The following GBP7 variants were observed in gnomAD, a reference collection of about 807,000 sequenced individuals.
GBP7 encodes guanylate-binding protein 7.
In GBP7, 43 loss-of-function variants were observed where a neutral mutation model predicts 61.3. That is an observed-to-expected ratio of 0.70 (90% CI 0.55 to 0.91). The LOEUF is 0.91. GBP7 is among the 40% of genes least tolerant of loss of function. GBP7 has a pLI of 0.00. For synonymous variants in GBP7, 267 were observed against 271.0 expected (o/e 0.99, Z 0.14); for missense variants, 717 against 740.5 (o/e 0.97, Z 0.37).
At chr1:89,166,508 C>A (rs1647447787) in intron 2 of GBP7, among the ~76,000 whole-genome samples, 1 of 152,120 alleles carries the variant, frequency 6.6e-6, no homozygotes, top group Non-Finnish European at 1.5e-5. Flanking sequence ...TGACAAAAAT[C>A]AGGAAAATAT....
At chr1:89,138,664 T>C (rs745942297) in intron 9 of GBP7, among the ~76,000 whole-genome samples, 2 of 152,150 alleles carry the variant, frequency 1.3e-5, no homozygotes, top group Non-Finnish European at 2.9e-5. Context: ...CTTCTCACTA[T>C]ATACAAAAAT....
At chr1:89,157,910 A>G (rs1450342803) in intron 3 of GBP7, among the ~76,000 whole-genome samples, 1 of 152,202 alleles carries the variant, frequency 6.6e-6, no homozygotes, top group Non-Finnish European at 1.5e-5. Context: ...AACAGCAAAA[A>G]AAGAGAATTT....
chr1:89,148,663 G>T (rs1370780862), intron 7 of GBP7, among the ~76,000 whole-genome samples: 1 of 152,092 alleles, frequency 6.6e-6, no homozygotes, highest in Non-Finnish European at 1.5e-5. Context: ...ATGGAGAGAG[G>T]TTCCCCTGAG....
rs1682099878 is a variant in GBP7, at chr1:89,147,657, A to C, written c.1275T>G (p.Thr425=). 1 of 1,614,076 alleles carries C rather than the reference A, an allele frequency of 6.2e-7. No individual in the cohort carries two copies. The highest frequency in any genetic ancestry group is 8.5e-7 in the Non-Finnish European group (1 of 1,180,030). Residue 425 remains threonine (T), a synonymous_variant, in exon 8 of 11, where the codon ACT becomes ACG. Coordinates refer to ENST00000294671, the MANE Select transcript of GBP7 (RefSeq NM_207398.3). ...TATTGTGCCCCCCCGGAACAAAGAA[A>C]GTTCCTCTTGAAATACTTTCTGTCA... is the stretch of plus-strand genomic sequence containing the variant. The part of the protein sequence containing the change: ...ELLTESISRG[T]FFVPGGHNIY...
In GBP7 at chr1:89,152,275, C is replaced by T. The variant is rs770244482; in HGVS notation, c.618G>A (p.Leu206=). 3 of 1,613,662 alleles carry T rather than the reference C, an allele frequency of 1.9e-6. No homozygotes were observed. Among genetic ancestry groups the T allele is most frequent in the Non-Finnish European group, 2.5e-6 (3 of 1,179,658 alleles). The change falls in exon 5 of 11, where the codon CTG becomes CTA. Residue 206 remains leucine (L), a synonymous_variant. Transcript: ENST00000294671. ...EDEYLENALK[L]ISGKNPQIQN... ...TAGGCCATGCTCTGATACCTGAAAT[C>T]AGCTTCAAGGCATTCTCCAGGTACT... is the stretch of plus-strand genomic sequence containing the variant.
chr1:89,149,572 C>T lies in GBP7; in HGVS notation c.872G>A (p.Arg291Gln). Reference sequence around the variant, plus strand: ...GTAGGTCTCCACCAGCATCCCCAGCCCTGAATGATTTAGGAAATTTAGGGA... The same window carrying T: ...GTAGGTCTCCACCAGCATCCCCAGCTCTGAATGATTTAGGAAATTTAGGGA... ...LREGILVTGN[R>Q]LGMLVETYLD... The change falls in exon 7 of 11, where the codon CGG (arginine) becomes CAG (glutamine). Residue 291 changes from arginine (R) to glutamine (Q), a missense_variant and splice_region_variant. By Grantham distance (43) the Arg-to-Gln change is conservative (BLOSUM62 1). Coordinates refer to ENST00000294671, the MANE Select transcript of GBP7 (RefSeq NM_207398.3). The T allele has an allele frequency of 6.2e-7, 1 of 1,603,162 alleles. No individual in the cohort carries two copies. Among genetic ancestry groups the T allele is most frequent in the Non-Finnish European group, 8.5e-7 (1 of 1,172,236 alleles).
chr1:89,148,514 A>G (rs2100645281), intron 7 of GBP7, among the ~76,000 whole-genome samples: 1 of 152,364 alleles, frequency 6.6e-6, no homozygotes, highest in South Asian at 2.1e-4. Flanking sequence ...TACTGAGTAC[A>G]CTCAAGAAAG....
At chr1:89,133,218 C>A (rs368094315) in intron 10 of GBP7, 40 bp downstream of exon 10, 129 of 1,514,960 alleles carry the variant, frequency 8.5e-5, no homozygotes, top group African/African-American at 5.7e-4. Context: ...GAGGAACTGG[C>A]ATTGTGCCTC....
intron 2 of GBP7, among the ~76,000 whole-genome samples, chr1:89,166,945 G>A (rs1003129584): frequency 7.9e-5 from 12 of 152,154 alleles, no homozygotes; most frequent in African/African-American, 2.4e-4. Flanking sequence ...AGAACACCCT[G>A]CATGTACTTC....
intron 3 of GBP7, among the ~76,000 whole-genome samples, chr1:89,154,083 T>C (rs1248015413): frequency 6.6e-6 from 1 of 152,254 alleles, no homozygotes; most frequent in African/African-American, 2.4e-5. Context: ...AATTAAATGC[T>C]GACCAAATCC....
In GBP7 at chr1:89,135,060, G is replaced by C. The variant is rs145498116; in HGVS notation, c.1469-1609C>G. Among the ~76,000 whole-genome samples, 409 of 152,154 alleles carry C rather than the reference G, an allele frequency of 2.7e-3. 2 individuals carry two copies. The highest frequency in any genetic ancestry group is 9.3e-3 in the African/African-American group (387 of 41,514). ...ACAAGAATTTCATAATACAATCAGA[G>C]TATTAAATGTAGAATAGACCAAGAT... On this transcript the variant is annotated intron_variant, in intron 9 of 10. Transcript: ENST00000294671.
Position 89,131,876 on chromosome 1 carries a change from G to A in GBP7, c.*273C>T. On this transcript the variant is annotated 3_prime_UTR_variant, in exon 11 of 11. Coordinates refer to ENST00000294671, the MANE Select transcript of GBP7 (RefSeq NM_207398.3). ...TAATTATAACTTAAATTATCTCTGT[G>A]ACTATAACATTAATTGAAAATAATT... 3.9e-6 allele frequency: 1 copy of A among 255,302 alleles called. No individual in the cohort carries two copies. Among genetic ancestry groups the A allele is most frequent in the East Asian group, 7.9e-5 (1 of 12,708 alleles). 15.8% of individuals were successfully genotyped at this position (255,302 alleles called of 1,614,324 possible).
chr1:89,156,043 G>C (rs1056717076), intron 3 of GBP7, among the ~76,000 whole-genome samples: 9 of 152,082 alleles, frequency 5.9e-5, no homozygotes, highest in African/African-American at 9.7e-5. Context: ...AGAGAGTGGG[G>C]GCCAATATTC....
chr1:89,159,545 G>A (rs1682388020), intron 3 of GBP7, among the ~76,000 whole-genome samples: 1 of 152,142 alleles, frequency 6.6e-6, no homozygotes. Flanking sequence ...ATCAAAAAGT[G>A]GGCGAAGGAT....
chr1:89,154,964 G>A (rs930297299), intron 3 of GBP7, among the ~76,000 whole-genome samples: 4 of 152,118 alleles, frequency 2.6e-5, no homozygotes, highest in Non-Finnish European at 5.9e-5. Flanking sequence ...GGGGCCGACT[G>A]ACACCTCAAA....
At chr1:89,150,892 T>C (rs540398672) in intron 5 of GBP7, among the ~76,000 whole-genome samples, 2 of 152,206 alleles carry the variant, frequency 1.3e-5, no homozygotes, top group Non-Finnish European at 2.9e-5. Context: ...AAAATGTTTG[T>C]TGAATTATGA....
intron 1 of GBP7, among the ~76,000 whole-genome samples, chr1:89,172,530 T>C (rs962741814): frequency 6.6e-6 from 1 of 152,224 alleles, no homozygotes; most frequent in Non-Finnish European, 1.5e-5. Context: ...TTATGCATTT[T>C]TTTTTGCAAA....
In GBP7 at chr1:89,135,597, C is replaced by G. The variant is rs371994945; in HGVS notation, c.1469-2146G>C. 3.7e-4 allele frequency among the ~76,000 whole-genome samples: 56 copies of G among 151,936 alleles called. 6 individuals carry two copies. The highest frequency in any genetic ancestry group is 9.2e-4 in the Admixed American group (14 of 15,264). On this transcript the variant is annotated intron_variant, in intron 9 of 10. Transcript: ENST00000294671. ...AGGAAGAATTTCATATCCAGCCAAA[C>G]TAAGGTTCATAAGAAAAAAAAAATC...
rs563954164 is a variant in GBP7 at position 89,138,481 on chromosome 1, A to G, written c.1468+3065T>C. 5.9e-5 allele frequency among the ~76,000 whole-genome samples: 9 copies of G among 152,164 alleles called. No homozygotes were observed. The South Asian group carries it at 1.9e-3, about 32-fold the overall frequency. Reference sequence around the variant, plus strand: ...CAAAAAACAAAACAAAACAAAACAGACACATGAACAAATGGAAAAGTTTAA... The same window carrying G: ...CAAAAAACAAAACAAAACAAAACAGGCACATGAACAAATGGAAAAGTTTAA... On this transcript the variant is annotated intron_variant, in intron 9 of 10. Coordinates refer to ENST00000294671, the MANE Select transcript of GBP7 (RefSeq NM_207398.3).
Sources: allele counts gnomAD v4.1 joint callset (sites outside exome capture counted in the v4.1 genomes callset), GRCh38; gene constraint gnomAD v4.1.1; transcripts MANE v1.5; gene names NCBI Gene and HGNC (gene_info 2026-07-23, HGNC 2026-07-21).